The following CR1 variants were observed in gnomAD, a reference collection of about 807,000 sequenced individuals.
CR1 encodes complement C3b/C4b receptor 1 (Knops blood group), also known as complement receptor type 1.
In CR1, 116 loss-of-function variants were observed where a neutral mutation model predicts 187.3. That is an observed-to-expected ratio of 0.62 (90% CI 0.53 to 0.72). The LOEUF is 0.72. Ranked by LOEUF, CR1 falls within the 30% of genes least tolerant of loss-of-function variation. CR1 has a pLI of 0.00. For synonymous variants in CR1, 576 were observed against 747.1 expected, an observed-to-expected ratio of 0.77 and a Z score of 3.73; for missense variants, 1,731 against 2,110.7, an observed-to-expected ratio of 0.82 and a Z score of 3.52.
chr1:207,600,427 A>G (rs1326683487), intron 35 of CR1, among the ~76,000 whole-genome samples: 4 of 152,218 alleles, frequency 2.6e-5, no homozygotes, highest in African/African-American at 9.6e-5. Context: ...ACCATTTATA[A>G]AAGTGATATA....
At chr1:207,578,971 C>A (rs1660851868) in intron 29 of CR1, among the ~76,000 whole-genome samples, 1 of 152,186 alleles carries the variant, frequency 6.6e-6, no homozygotes, top group African/African-American at 2.4e-5. Context: ...TAGGCTCAAG[C>A]CATCCACGTC....
At position 207,621,975 on chromosome 1, in the gene CR1, A is replaced by G. The variant is rs2296160; in HGVS notation, c.7255A>G (p.Thr2419Ala). Residue 2419 changes from threonine to alanine, a missense_variant and splice_region_variant, in exon 44 of 47, where the codon ACA (threonine) becomes GCA (alanine). Thr to Ala is a moderately conservative substitution (Grantham distance 58, BLOSUM62 0). Coordinates refer to ENST00000367049, the MANE Select transcript of CR1 (RefSeq NM_000651.6). ...DPPLAKCTSR[T>A]HDALIVGTLS... ...TGTGACTTTTGTCTTCCTTTTAGGTACACATGATGCTCTCATAGTTGGTAA... is the reference window on the plus strand; with the variant it reads ...TGTGACTTTTGTCTTCCTTTTAGGTGCACATGATGCTCTCATAGTTGGTAA... The G allele has an allele frequency of 0.82, 1,300,707 of 1,593,392 alleles. 532,780 individuals are homozygous for G. The highest frequency in any genetic ancestry group is 0.9 in the South Asian group (79,590 of 88,588).
At chr1:207,631,624 C>T (rs1662649197) in intron 46 of CR1, among the ~76,000 whole-genome samples, 1 of 152,172 alleles carries the variant, frequency 6.6e-6, no homozygotes, top group East Asian at 1.9e-4. Flanking sequence ...ATCTTTACTG[C>T]ATTCTCAGGG....
chr1:207,628,237 A>G (rs900887745), intron 45 of CR1, among the ~76,000 whole-genome samples: 2 of 151,930 alleles, frequency 1.3e-5, no homozygotes, highest in Admixed American at 6.6e-5. Context: ...CACTATTACT[A>G]CTATCTCCTG....
chr1:207,526,657 T>G lies in CR1; in HGVS notation c.887-96T>G. The G allele has an allele frequency of 1.4e-6, 2 of 1,465,340 alleles. 1 individual carries two copies. Among genetic ancestry groups the G allele is most frequent in the Non-Finnish European group, 1.8e-6 (2 of 1,103,920 alleles). The allele number at this position is 1,465,340 out of a possible 1,614,324, so 90.8% of individuals were successfully genotyped here. A position where few individuals can be genotyped will look rare whatever the true frequency, so the allele number is the denominator to read the frequency against. ...GGCTGTTATTCTAACTTTATTATTA[T>G]ATATAGATTTGTAATTATTATTCCC... On this transcript the variant is annotated intron_variant, in intron 5 of 46. Coordinates refer to ENST00000367049, the MANE Select transcript of CR1 (RefSeq NM_000651.6).
chr1:207,622,035 C>A, intron 44 of CR1, 39 bp downstream of exon 44: 2 of 1,543,382 alleles, frequency 1.3e-6, no homozygotes, highest in South Asian at 1.2e-5. Flanking sequence ...ATTCTGGCAT[C>A]TATAACAGTA....
chr1:207,580,144 T>C, intron 29 of CR1, 96 bp from the exon 30 acceptor site: 1 of 1,520,604 alleles, frequency 6.6e-7, no homozygotes, highest in Non-Finnish European at 8.9e-7. Flanking sequence ...GAGAATTGGG[T>C]TCTATTTCTC....
At chr1:207,609,956 G>A (rs1661873198) in intron 37 of CR1, among the ~76,000 whole-genome samples, 1 of 152,104 alleles carries the variant, frequency 6.6e-6, no homozygotes, top group Non-Finnish European at 1.5e-5. Context: ...TTTACTTTGA[G>A]AGAACTGAGT....
At chr1:207,619,376 CAAAAAAAAAAA>C (rs67078800) in intron 42 of CR1, among the ~76,000 whole-genome samples, 5 of 92,656 alleles carry the variant, frequency 5.4e-5, no homozygotes, top group African/African-American at 2.1e-4. Flanking sequence ...CAGTGAGACT[CAAAAAAAAAAA>C]AAAAAAAGAA....
intron 41 of CR1, among the ~76,000 whole-genome samples, chr1:207,617,503 ATATATG>A (rs1311682053): frequency 0.03 from 1,476 of 49,082 alleles, 146 homozygotes; most frequent in Admixed American, 0.059. Context: ...ATATATATAT[ATATATG>A]TGTGTGTGTG....
At chr1:207,618,006 T>C in intron 41 of CR1, 65 bp from the exon 42 acceptor site, 2 of 1,532,772 alleles carry the variant, frequency 1.3e-6, no homozygotes, top group Non-Finnish European at 1.8e-6. Flanking sequence ...GATGTGTTCA[T>C]GTATTCATAT....
chr1:207,514,400 T>TA (rs1194652982), intron 4 of CR1, among the ~76,000 whole-genome samples: 7 of 152,244 alleles, frequency 4.6e-5, no homozygotes, highest in Admixed American at 1.3e-4. Flanking sequence ...TCCTTACCCC[T>TA]AAAGTGATGA....
rs1662957169 is a variant in CR1, at chr1:207,640,668, C to T, written c.*1259C>T. 6.6e-6 allele frequency: 1 copy of T among 152,070 alleles called. No individual in the cohort carries two copies. Among genetic ancestry groups the T allele is most frequent in the Non-Finnish European group, 1.5e-5 (1 of 68,020 alleles). The allele number at this position is 152,070 out of a possible 1,614,324, so 9.4% of individuals were successfully genotyped here. On this transcript the variant is annotated 3_prime_UTR_variant, in exon 47 of 47. Coordinates refer to ENST00000367049, the MANE Select transcript of CR1 (RefSeq NM_000651.6). ...AATAAGTGACCTTGTGTTCTTTAACCAGTCCACATCTTTAGAGAACAAAAA... is the reference window on the plus strand; with the variant it reads ...AATAAGTGACCTTGTGTTCTTTAACTAGTCCACATCTTTAGAGAACAAAAA...
intron 35 of CR1, among the ~76,000 whole-genome samples, chr1:207,599,212 T>C (rs1661536380): frequency 6.6e-6 from 1 of 151,982 alleles, no homozygotes; most frequent in African/African-American, 2.4e-5. Context: ...AAAGGAAACA[T>C]AAAAATGGCC....
chr1:207,519,722 G>T (rs1174582542), intron 4 of CR1, among the ~76,000 whole-genome samples: 2 of 152,216 alleles, frequency 1.3e-5, no homozygotes, highest in Non-Finnish European at 2.9e-5. Context: ...GCCAAAGTAA[G>T]CGCAGAGACT....
chr1:207,604,373 A>T (rs978541658), intron 35 of CR1, among the ~76,000 whole-genome samples: 1 of 152,110 alleles, frequency 6.6e-6, no homozygotes, highest in Non-Finnish European at 1.5e-5. Context: ...TCATAGTAGA[A>T]TTTTTCCTCA....
intron 5 of CR1, among the ~76,000 whole-genome samples, chr1:207,525,592 C>G (rs1449852244): frequency 6.6e-6 from 1 of 152,006 alleles, no homozygotes; most frequent in Non-Finnish European, 1.5e-5. Flanking sequence ...CAGATTCTGC[C>G]ATCATCCTGC....
intron 28 of CR1, among the ~76,000 whole-genome samples, 180 bp downstream of exon 28, chr1:207,575,860 CT>C (rs376519988): frequency 1.0e-3 from 157 of 150,578 alleles, no homozygotes; most frequent in Admixed American, 1.9e-3. Context: ...CCTAGAAATG[CT>C]TTTTTTTTTC....
At chr1:207,602,477 A>G (rs960500524) in intron 35 of CR1, among the ~76,000 whole-genome samples, 8 of 152,284 alleles carry the variant, frequency 5.3e-5, no homozygotes, top group Middle Eastern at 6.8e-3. Flanking sequence ...GGAAACCCAC[A>G]AACTTACAAT....
Sources: allele counts gnomAD v4.1 joint callset (sites outside exome capture counted in the v4.1 genomes callset), GRCh38; gene constraint gnomAD v4.1.1; transcripts MANE v1.5; gene names NCBI Gene and HGNC (gene_info 2026-07-23, HGNC 2026-07-21).